Variants in PSD3 observed in about 807,000 individuals in gnomAD.
The protein encoded by PSD3 is pleckstrin and Sec7 domain containing 3.
A neutral mutation model predicts 105.5 loss-of-function variants in PSD3; 49 were observed. That is an observed-to-expected ratio of 0.46 (90% CI 0.37 to 0.59). PSD3 has a LOEUF of 0.59. PSD3 is among the 20% of genes least tolerant of loss of function. The pLI is 0.00. For synonymous variants in PSD3, 557 were observed against 457.8 expected (o/e 1.22, Z -2.77); for missense variants, 1,561 against 1,263.8 (o/e 1.24, Z -3.57).
intron 12 of PSD3, among the ~76,000 whole-genome samples, chr8:18,576,415 G>C (rs547393038): frequency 2.0e-5 from 3 of 152,190 alleles, no homozygotes; most frequent in South Asian, 4.2e-4. Context: ...CAGTCTTCTC[G>C]AGTGGTATGA....
chr8:18,736,360 T>A (rs1336269349), intron 9 of PSD3, among the ~76,000 whole-genome samples: 2 of 152,170 alleles, frequency 1.3e-5, no homozygotes, highest in Non-Finnish European at 2.9e-5. Context: ...TCAAATGTGT[T>A]AATATATTTA....
intron 9 of PSD3, among the ~76,000 whole-genome samples, chr8:18,663,150 G>A (rs186019154): frequency 1.8e-4 from 27 of 152,234 alleles, no homozygotes; most frequent in South Asian, 6.2e-4. Flanking sequence ...AGTGAAGGCC[G>A]GGCGCAGTGG....
chr8:18,913,118 CACACACT>C (rs761033357), intron 2 of PSD3, among the ~76,000 whole-genome samples: 6,747 of 151,396 alleles, frequency 0.045, 178 homozygotes, highest in Admixed American at 0.079. Context: ...CACACACACA[CACACACT>C]CTCCTTCTCC....
chr8:18,662,412 A>T (rs1809413422), intron 9 of PSD3, among the ~76,000 whole-genome samples: 1 of 152,082 alleles, frequency 6.6e-6, no homozygotes, highest in Admixed American at 6.6e-5. Context: ...GAGTCAACTA[A>T]TTTTTTTCCT....
intron 1 of PSD3, among the ~76,000 whole-genome samples, chr8:19,073,134 A>G (rs527973958): frequency 3.4e-5 from 3 of 89,546 alleles, no homozygotes. Flanking sequence ...TCTTAACAGA[A>G]TGATAACCCA....
chr8:18,961,124 G>T (rs1372099055), intron 1 of PSD3, among the ~76,000 whole-genome samples: 3 of 151,812 alleles, frequency 2.0e-5, no homozygotes, highest in African/African-American at 7.3e-5. Context: ...GACTACTGGT[G>T]AAAGAAAAAG....
chr8:18,839,667 T>C (rs146829201), intron 4 of PSD3, among the ~76,000 whole-genome samples: 7 of 152,260 alleles, frequency 4.6e-5, no homozygotes, highest in African/African-American at 1.4e-4. Flanking sequence ...CCAGTAGTTA[T>C]AGAACACACC....
chr8:18,539,921 T>C (rs940912268), intron 15 of PSD3, among the ~76,000 whole-genome samples: 6 of 152,306 alleles, frequency 3.9e-5, no homozygotes, highest in Admixed American at 6.5e-5. Context: ...GTGGTCATCA[T>C]GGACCCAAGA....
chr8:18,781,375 C>G (rs1317069428), intron 8 of PSD3, among the ~76,000 whole-genome samples: 1 of 152,160 alleles, frequency 6.6e-6, no homozygotes, highest in East Asian at 1.9e-4. Context: ...CACAGGGATC[C>G]ACCATCTTTG....
intron 2 of PSD3, among the ~76,000 whole-genome samples, chr8:18,885,314 G>C (rs1445003432): frequency 6.6e-6 from 1 of 151,958 alleles, no homozygotes; most frequent in African/African-American, 2.4e-5. Flanking sequence ...ACAAAAAAAA[G>C]TTTAAACTAA....
intron 6 of PSD3, 66 bp downstream of exon 6, chr8:18,804,456 T>C: frequency 5.2e-6 from 7 of 1,336,248 alleles, no homozygotes; most frequent in Non-Finnish European, 7.3e-6. Flanking sequence ...CTAGAAGACA[T>C]TACTTTCTTC....
At chr8:18,586,724 T>C (rs1209471420) in intron 12 of PSD3, among the ~76,000 whole-genome samples, 20 of 152,162 alleles carry the variant, frequency 1.3e-4, no homozygotes, top group Admixed American at 1.2e-3. Flanking sequence ...TGTTTCCTTC[T>C]GTCTCAGGCA....
chr8:18,612,728 C>A (rs1306036575), intron 11 of PSD3, among the ~76,000 whole-genome samples: 1 of 152,154 alleles, frequency 6.6e-6, no homozygotes, highest in Non-Finnish European at 1.5e-5. Context: ...GGGAAGAGAG[C>A]TAAGTGTGAC....
chr8:18,766,655 G>C (rs115625108), intron 8 of PSD3, among the ~76,000 whole-genome samples: 2,003 of 152,282 alleles, frequency 0.013, 46 homozygotes, highest in African/African-American at 0.043. Context: ...AAACTAACAA[G>C]TTAGCCTGTC....
intron 14 of PSD3, among the ~76,000 whole-genome samples, chr8:18,559,972 G>C (rs1209925598): frequency 6.6e-6 from 1 of 152,160 alleles, no homozygotes; most frequent in Non-Finnish European, 1.5e-5. Flanking sequence ...TGTTCAATGA[G>C]AAATGCTTCA....
intron 10 of PSD3, among the ~76,000 whole-genome samples, chr8:18,653,330 T>C (rs577680699): frequency 2.6e-5 from 4 of 151,398 alleles, no homozygotes; most frequent in South Asian, 2.1e-4. Flanking sequence ...ATGTAGTCTA[T>C]GTATATGCAT....
intron 14 of PSD3, among the ~76,000 whole-genome samples, chr8:18,566,576 A>AT (rs1410283820): frequency 6.6e-6 from 1 of 150,978 alleles, no homozygotes; most frequent in African/African-American, 2.4e-5. Context: ...GAACCATCTC[A>AT]TTTTTCTAGA....
chr8:18,665,143 T>C (rs990318885), intron 9 of PSD3, among the ~76,000 whole-genome samples: 1 of 152,192 alleles, frequency 6.6e-6, no homozygotes, highest in African/African-American at 2.4e-5. Context: ...TAAATACATT[T>C]CACAAGGCTG....
intron 9 of PSD3, among the ~76,000 whole-genome samples, chr8:18,760,066 G>A (rs1160256676): frequency 6.6e-6 from 1 of 151,490 alleles, no homozygotes; most frequent in Non-Finnish European, 1.5e-5. Context: ...CAGAAATGCA[G>A]AGGATCAAGA....
Sources: gnomAD v4.1 joint callset for allele counts (sites outside exome capture counted in the v4.1 genomes callset) on GRCh38, gnomAD v4.1.1 for gene constraint, MANE v1.5 for transcripts, NCBI Gene and HGNC (gene_info 2026-07-23, HGNC 2026-07-21) for gene names.